The following CHRDL2 variants were observed in gnomAD, a reference collection of about 807,000 sequenced individuals.
The protein encoded by CHRDL2 is chordin-like protein 2.
CHRDL2 carries 41 observed loss-of-function variants against 54.3 expected under a neutral mutation model. That is an observed-to-expected ratio of 0.76 (90% CI 0.59 to 0.98). CHRDL2 has a LOEUF of 0.98. CHRDL2 is among the 50% of genes least tolerant of loss of function. CHRDL2 has a pLI of 0.00. For missense variants in CHRDL2, 518 were observed against 562.4 expected (o/e 0.92, Z 0.80); for synonymous variants, 220 against 224.3 (o/e 0.98, Z 0.17).
At chr11:74,726,171 G>T (rs2034568217) in intron 1 of CHRDL2, among the ~76,000 whole-genome samples, 1 of 152,188 alleles carries the variant, frequency 6.6e-6, no homozygotes, top group Admixed American at 6.5e-5. Flanking sequence ...CTGTTAAAGG[G>T]CAGGAAACAG....
intron 1 of CHRDL2, among the ~76,000 whole-genome samples, chr11:74,729,613 A>G (rs967562520): frequency 1.3e-5 from 2 of 152,260 alleles, no homozygotes; most frequent in Admixed American, 6.5e-5. Context: ...AACAAAGTCC[A>G]GCACTACCAG....
At chr11:74,713,687 C>T (rs932791368) in intron 2 of CHRDL2, among the ~76,000 whole-genome samples, 1 of 152,210 alleles carries the variant, frequency 6.6e-6, no homozygotes, top group Non-Finnish European at 1.5e-5. Flanking sequence ...ATGTGCCTCC[C>T]CTACCCTGAA....
At chr11:74,713,030 A>G (rs11236225) in intron 3 of CHRDL2, among the ~76,000 whole-genome samples, 30,696 of 152,084 alleles carry the variant, frequency 0.2, 3,207 homozygotes, top group South Asian at 0.34. Flanking sequence ...TTCAAGCCCA[A>G]GATCACTCAC....
At chr11:74,730,170 C>A (rs1347985333) in intron 1 of CHRDL2, among the ~76,000 whole-genome samples, 2 of 152,172 alleles carry the variant, frequency 1.3e-5, no homozygotes, top group African/African-American at 4.8e-5. Flanking sequence ...TCTCACTGTG[C>A]CCTGCCGCCT....
At chr11:74,717,876 G>A (rs906124417) in intron 2 of CHRDL2, among the ~76,000 whole-genome samples, 2 of 152,148 alleles carry the variant, frequency 1.3e-5, no homozygotes, top group African/African-American at 4.8e-5. Flanking sequence ...AGGCAGCTGA[G>A]CTAAAGCCAA....
intron 1 of CHRDL2, among the ~76,000 whole-genome samples, chr11:74,729,346 C>T (rs937418345): frequency 6.6e-6 from 1 of 152,222 alleles, no homozygotes; most frequent in Non-Finnish European, 1.5e-5. Context: ...CACTTTAATC[C>T]GTTACCTCCT....
chr11:74,718,846 C>A lies in CHRDL2; in HGVS notation c.83-14G>T, dbSNP rs1395450589. ...ACATGTCTGGGCCTGGCAAACCGACCAGTGCCATGTTAGTCCCAGGAGGCT... is the reference window on the plus strand; with the variant it reads ...ACATGTCTGGGCCTGGCAAACCGACAAGTGCCATGTTAGTCCCAGGAGGCT... On this transcript the variant is annotated splice_polypyrimidine_tract_variant and intron_variant, in intron 1 of 10. Transcript: ENST00000376332. 5.2e-6 allele frequency: 8 copies of A among 1,549,952 alleles called. No individual in the cohort carries two copies. The highest frequency in any genetic ancestry group is 7.1e-6 in the Non-Finnish European group (8 of 1,128,106).
chr11:74,720,507 TTCTC>T (rs1565158245), intron 1 of CHRDL2, among the ~76,000 whole-genome samples: 2 of 151,902 alleles, frequency 1.3e-5, no homozygotes, highest in African/African-American at 4.9e-5. Context: ...AAAGGCCTTC[TTCTC>T]TCTCTGCCCC....
intron 1 of CHRDL2, 61 bp downstream of exon 1, chr11:74,730,746 G>A (rs1211855329): frequency 1.4e-6 from 2 of 1,471,506 alleles, no homozygotes; most frequent in Admixed American, 3.9e-5. Context: ...TCCTGGCGCT[G>A]TCCCTCACAT....
rs571485200 is a variant in CHRDL2 at position 74,709,042 on chromosome 11, G to C, written c.433-647C>G. ...GAAAAGCACAAGGCACAACGTGCCT[G>C]GGGGGAAGCACTATTGCCCTGAGAC... On this transcript the variant is annotated intron_variant, in intron 4 of 10. Coordinates refer to ENST00000376332, the MANE Select transcript of CHRDL2 (RefSeq NM_001278473.3). Among the ~76,000 whole-genome samples the C allele has an allele frequency of 3.9e-5, 6 of 152,340 alleles. No homozygotes were observed. The East Asian group carries it at 1.2e-3, about 29-fold the overall frequency.
intron 2 of CHRDL2, among the ~76,000 whole-genome samples, chr11:74,716,051 C>T (rs2034342032): frequency 6.6e-6 from 1 of 151,946 alleles, no homozygotes; most frequent in Non-Finnish European, 1.5e-5. Flanking sequence ...CTGTTAGAAA[C>T]AGCTGTCAGG....
intron 5 of CHRDL2, among the ~76,000 whole-genome samples, chr11:74,707,783 C>A (rs1323291253): frequency 6.6e-6 from 1 of 152,092 alleles, no homozygotes; most frequent in Non-Finnish European, 1.5e-5. Flanking sequence ...TGTCCACATC[C>A]CCTGCGCCCA....
At chr11:74,730,674 A>T (rs925159275) in intron 1 of CHRDL2, 133 bp downstream of exon 1, 2 of 808,652 alleles carry the variant, frequency 2.5e-6, no homozygotes, top group African/African-American at 1.7e-5. Context: ...GTCCTCACGG[A>T]GTCTCCACCC....
At chr11:74,702,283 C>T (rs1016091075) in intron 9 of CHRDL2, among the ~76,000 whole-genome samples, 1 of 151,544 alleles carries the variant, frequency 6.6e-6, no homozygotes, top group African/African-American at 2.4e-5. Context: ...AAAAACTCCT[C>T]TTGACCTTCA....
At position 74,731,146 on chromosome 11, in the gene CHRDL2, A is replaced by C; in HGVS notation, c.-258T>G. Reference sequence around the variant, plus strand: ...GAGATGGAGAGACGAAGGAAGGTCCAGCAGAAGGGAGAGGCGATCAAAGAA... The same window carrying C: ...GAGATGGAGAGACGAAGGAAGGTCCCGCAGAAGGGAGAGGCGATCAAAGAA... On this transcript the variant is annotated 5_prime_UTR_variant, in exon 1 of 11. Coordinates refer to ENST00000376332, the MANE Select transcript of CHRDL2 (RefSeq NM_001278473.3). The surrounding 1 kb of genome is among the most constrained non-coding windows in gnomAD (Gnocchi z 4.4). 1 of 504,320 alleles carries C rather than the reference A, an allele frequency of 2.0e-6. No individual in the cohort carries two copies. Among genetic ancestry groups the C allele is most frequent in the Non-Finnish European group, 3.5e-6 (1 of 282,630 alleles). 31.2% of individuals were successfully genotyped at this position (504,320 alleles called of 1,614,324 possible). A position where few individuals can be genotyped will look rare whatever the true frequency, so the allele number is the denominator to read the frequency against.
rs75675635 is a variant in CHRDL2, at chr11:74,730,209, T to C, written c.82+598A>G. 5.8e-3 allele frequency among the ~76,000 whole-genome samples: 874 copies of C among 151,648 alleles called. 11 individuals are homozygous for C. Among genetic ancestry groups the C allele is most frequent in the African/African-American group, 0.02 (825 of 41,334 alleles). Reference sequence around the variant, plus strand: ...AGAGTCTCACACTGCAAATTCAGGGTTCCTTCTAGACAATGTGAGGCAGGG... The same window carrying C: ...AGAGTCTCACACTGCAAATTCAGGGCTCCTTCTAGACAATGTGAGGCAGGG... On this transcript the variant is annotated intron_variant, in intron 1 of 10. Transcript: ENST00000376332.
At chr11:74,711,015 G>A in intron 3 of CHRDL2, 24 bp from the exon 4 acceptor site, 1 of 1,595,930 alleles carries the variant, frequency 6.3e-7, no homozygotes. Context: ...GGGGCAGGAG[G>A]AAGAAGAAAA....
At chr11:74,697,452 A>G in intron 9 of CHRDL2, 155 bp from the exon 10 acceptor site, 1 of 627,014 alleles carries the variant, frequency 1.6e-6, no homozygotes, top group Non-Finnish European at 2.9e-6. Context: ...TTTCCTCAAT[A>G]TTTTGAATCC....
chr11:74,717,226 T>G (rs994640996), intron 2 of CHRDL2, among the ~76,000 whole-genome samples: 2 of 152,060 alleles, frequency 1.3e-5, no homozygotes, highest in Non-Finnish European at 2.9e-5. Context: ...TGATGGTGGC[T>G]TGGATTAGGG....
Sources: allele counts gnomAD v4.1 joint callset (sites outside exome capture counted in the v4.1 genomes callset), GRCh38; gene constraint gnomAD v4.1.1; non-coding constraint Gnocchi (gnomAD v3.1); transcripts MANE v1.5; gene names NCBI Gene and HGNC (gene_info 2026-07-23, HGNC 2026-07-21).